MAD1L1: variants seen among roughly 807,000 people sequenced by gnomAD.
MAD1L1 encodes mitotic spindle assembly checkpoint protein MAD1.
MAD1L1 carries 95 observed loss-of-function variants against 96.9 expected under a neutral mutation model. The ratio of observed to expected loss-of-function variants is 0.98; its 90% CI spans 0.83 to 1.16. The LOEUF (loss-of-function observed/expected upper bound fraction) is 1.16, where lower values mean the gene tolerates loss of function less well. Ranked by LOEUF, MAD1L1 falls within the 50% of genes most tolerant of loss-of-function variation. The pLI, the probability that MAD1L1 is intolerant of heterozygous loss-of-function variation, is 0.00. For synonymous variants in MAD1L1, 473 were observed against 396.6 expected, an observed-to-expected ratio of 1.19 and a Z score of -2.29; for missense variants, 1,007 against 954.4, an observed-to-expected ratio of 1.06 and a Z score of -0.73.
At position 1,980,803 on chromosome 7, in the gene MAD1L1, G is replaced by A. The variant is rs1218805286; in HGVS notation, c.1417-262C>T. On this transcript the variant is annotated intron_variant, in intron 14 of 18. Transcript: ENST00000265854. ...ACAGGCTCACGGTGAGGTGTGTGGG[G>A]TGCATGTGAGAGTCTCTGGAGAGTG... The A allele has an allele frequency of 5.1e-6, 3 of 586,836 alleles. No homozygotes were observed. In the African/African-American group the frequency reaches 5.5e-5, roughly 11 times the overall value. The allele number at this position is 586,836 out of a possible 1,614,324, so 36.4% of individuals were successfully genotyped here. A position where few individuals can be genotyped will look rare whatever the true frequency, so the allele number is the denominator to read the frequency against.
intron 18 of MAD1L1, among the ~76,000 whole-genome samples, chr7:1,884,726 G>C (rs981684826): frequency 2.0e-5 from 3 of 152,206 alleles, no homozygotes; most frequent in African/African-American, 7.2e-5. Flanking sequence ...AGACTGTGTG[G>C]AGCGGACCAC....
intron 11 of MAD1L1, among the ~76,000 whole-genome samples, chr7:2,090,092 T>A (rs1786130607): frequency 6.6e-6 from 1 of 152,186 alleles, no homozygotes; most frequent in African/African-American, 2.4e-5. Context: ...TTTAACTTCA[T>A]TAGGAAGAAG....
At chr7:1,888,454 AC>A (rs1786307736) in intron 18 of MAD1L1, among the ~76,000 whole-genome samples, 1 of 115,196 alleles carries the variant, frequency 8.7e-6, no homozygotes, top group Non-Finnish European at 1.8e-5. Flanking sequence ...ATGTGTGTGC[AC>A]GCATGTATGT....
chr7:1,951,182 G>C (rs1310467785), intron 16 of MAD1L1, among the ~76,000 whole-genome samples: 2 of 152,246 alleles, frequency 1.3e-5, no homozygotes, highest in East Asian at 3.9e-4. Flanking sequence ...CCCACTACAG[G>C]GCACAAACAA....
At chr7:2,096,865 C>T (rs1246951230) in intron 11 of MAD1L1, among the ~76,000 whole-genome samples, 2 of 152,154 alleles carry the variant, frequency 1.3e-5, no homozygotes, top group Admixed American at 6.5e-5. Flanking sequence ...CTGGCCCAGG[C>T]GTGGGCCCCA....
chr7:1,895,944 C>A (rs1479473507), intron 18 of MAD1L1, among the ~76,000 whole-genome samples: 2 of 152,258 alleles, frequency 1.3e-5, no homozygotes, highest in Non-Finnish European at 2.9e-5. Flanking sequence ...GGCGCCAAGG[C>A]TCCAGATCAC....
chr7:1,935,986 T>A, intron 17 of MAD1L1, among the ~76,000 whole-genome samples: 1 of 152,160 alleles, frequency 6.6e-6, no homozygotes, highest in Non-Finnish European at 1.5e-5. Flanking sequence ...CCCAGCTCCC[T>A]CCAACAGCAG....
At chr7:1,988,391 C>G (rs1363218596) in intron 14 of MAD1L1, among the ~76,000 whole-genome samples, 2 of 152,172 alleles carry the variant, frequency 1.3e-5, no homozygotes, top group East Asian at 3.9e-4. Context: ...GGCCCAGGCA[C>G]TTTGTGGAGC....
chr7:2,100,106 G>A (rs1243799491), intron 11 of MAD1L1, among the ~76,000 whole-genome samples: 1 of 152,240 alleles, frequency 6.6e-6, no homozygotes, highest in Non-Finnish European at 1.5e-5. Context: ...GGACATAGGT[G>A]AGAAGCAAAT....
intron 12 of MAD1L1, among the ~76,000 whole-genome samples, chr7:2,065,951 G>C (rs1429207138): frequency 6.6e-6 from 1 of 152,230 alleles, no homozygotes; most frequent in African/African-American, 2.4e-5. Flanking sequence ...TGGGGCACTG[G>C]AGAAACGGCT....
intron 11 of MAD1L1, among the ~76,000 whole-genome samples, chr7:2,108,935 C>T (rs995296678): frequency 2.4e-4 from 36 of 152,272 alleles, no homozygotes; most frequent in Admixed American, 1.3e-3. Context: ...GCAGGGCCCC[C>T]GCGAGGGCTC....
chr7:2,067,677 T>C (rs1784943092), intron 12 of MAD1L1, among the ~76,000 whole-genome samples: 1 of 152,224 alleles, frequency 6.6e-6, no homozygotes, highest in African/African-American at 2.4e-5. Context: ...AGCCGCTGTC[T>C]CCTCCCGCTC....
chr7:2,116,132 GTCCACACTGAC>G (rs1787677771), intron 11 of MAD1L1, among the ~76,000 whole-genome samples: 2 of 152,230 alleles, frequency 1.3e-5, no homozygotes, highest in African/African-American at 4.8e-5. Flanking sequence ...GGACCTCACT[GTCCACACTGAC>G]GTGTTGGCTG....
intron 12 of MAD1L1, among the ~76,000 whole-genome samples, chr7:2,064,729 A>G (rs56072378): frequency 0.29 from 44,213 of 150,354 alleles, 6,801 homozygotes; most frequent in South Asian, 0.44. Flanking sequence ...CCCAGAGGAT[A>G]CCAGATTCTC....
chr7:2,157,918 T>C (rs1027474412), intron 10 of MAD1L1, among the ~76,000 whole-genome samples: 22 of 152,294 alleles, frequency 1.4e-4, no homozygotes, highest in African/African-American at 5.3e-4. Context: ...GTGCCAAGTA[T>C]TATTACGGCC....
intron 18 of MAD1L1, among the ~76,000 whole-genome samples, chr7:1,823,482 G>A (rs967135612): frequency 6.6e-5 from 10 of 152,152 alleles, no homozygotes; most frequent in African/African-American, 1.2e-4. Context: ...GGGCGCCAGC[G>A]TCTCCCTGCC....
At chr7:2,134,408 G>C (rs181710022) in intron 11 of MAD1L1, among the ~76,000 whole-genome samples, 232 of 152,256 alleles carry the variant, frequency 1.5e-3, no homozygotes, top group African/African-American at 5.3e-3. Flanking sequence ...TTTCTACATA[G>C]ACGATCATGT....
intron 11 of MAD1L1, among the ~76,000 whole-genome samples, chr7:2,105,263 C>T (rs551650970): frequency 2.6e-5 from 4 of 152,242 alleles, no homozygotes; most frequent in Non-Finnish European, 2.9e-5. Flanking sequence ...CACGAGCTGG[C>T]TTCAGGTGGT....
At position 2,052,484 on chromosome 7, in the gene MAD1L1, C is replaced by A. The variant is rs368829575; in HGVS notation, c.1218+16710G>T. Reference sequence around the variant, plus strand: ...ACAGCTCACTAGGGCCCAGGCACAGCAGGCAGGGAGGGGGCTGGACACTCA... The same window carrying A: ...ACAGCTCACTAGGGCCCAGGCACAGAAGGCAGGGAGGGGGCTGGACACTCA... On this transcript the variant is annotated intron_variant, in intron 12 of 18. Transcript: ENST00000265854. Among the ~76,000 whole-genome samples, 6 of 151,242 alleles carry A rather than the reference C, an allele frequency of 4.0e-5. No homozygotes were observed. In the East Asian group the frequency reaches 1.2e-3, roughly 29 times the overall value.
Sources: gnomAD v4.1 joint callset for allele counts (sites outside exome capture counted in the v4.1 genomes callset) on GRCh38, gnomAD v4.1.1 for gene constraint, MANE v1.5 for transcripts, NCBI Gene and HGNC (gene_info 2026-07-23, HGNC 2026-07-21) for gene names.